KCNH7: variants seen among roughly 807,000 people sequenced by gnomAD.
The protein encoded by KCNH7 is voltage-gated inwardly rectifying potassium channel KCNH7.
In KCNH7, 49 loss-of-function variants were observed where a neutral mutation model predicts 120.8. The ratio of observed to expected loss-of-function variants is 0.41; its 90% CI spans 0.32 to 0.51. The LOEUF (loss-of-function observed/expected upper bound fraction) is 0.51, where lower values mean the gene tolerates loss of function less well. Among genes scored for constraint, KCNH7 ranks in the 20% least tolerant of loss-of-function variants. The pLI, the probability that KCNH7 is intolerant of heterozygous loss-of-function variation, is 0.38. For missense variants in KCNH7, 1,097 were observed against 1,446.6 expected (o/e 0.76, Z 3.92); for synonymous variants, 547 against 516.1 (o/e 1.06, Z -0.81).
chr2:162,499,308 C>A (rs771507739), intron 6 of KCNH7, among the ~76,000 whole-genome samples: 3 of 151,986 alleles, frequency 2.0e-5, no homozygotes, highest in Non-Finnish European at 4.4e-5. Context: ...TAAAAGGAGA[C>A]CTTACCTTTG....
intron 2 of KCNH7, among the ~76,000 whole-genome samples, chr2:162,763,359 T>C (rs1427966587): frequency 2.0e-5 from 3 of 152,140 alleles, no homozygotes; most frequent in Non-Finnish European, 2.9e-5. Flanking sequence ...TGCCATTTGC[T>C]TTCCACTTAA....
rs139960869 is a variant in KCNH7, at chr2:162,611,920, T to C, written c.308-74840A>G. The stretch of plus-strand genomic sequence containing the variant: ...GCAGAAATTGAGTTGTCTTAATTTA[T>C]GGATTGGACTTAGGAAAATGGAGAA... On this transcript the variant is annotated intron_variant, in intron 2 of 15. Coordinates refer to ENST00000332142, the MANE Select transcript of KCNH7 (RefSeq NM_033272.4). Among the ~76,000 whole-genome samples the C allele has an allele frequency of 1.8e-3, 270 of 152,302 alleles. 1 individual carries two copies. The highest frequency in any genetic ancestry group is 3.1e-3 in the Non-Finnish European group (213 of 68,022).
chr2:162,547,691 G>C (rs1034448442), intron 2 of KCNH7, among the ~76,000 whole-genome samples: 1 of 152,124 alleles, frequency 6.6e-6, no homozygotes, highest in African/African-American at 2.4e-5. Context: ...TTCTGACCTA[G>C]GTGGTCTAAT....
chr2:162,753,896 C>T (rs1236397274), intron 2 of KCNH7, among the ~76,000 whole-genome samples: 1 of 151,848 alleles, frequency 6.6e-6, no homozygotes, highest in Non-Finnish European at 1.5e-5. Context: ...AGATTAGTAG[C>T]CCACATGGTT....
At chr2:162,424,440 C>T (rs995763814) in intron 8 of KCNH7, among the ~76,000 whole-genome samples, 8 of 152,022 alleles carry the variant, frequency 5.3e-5, no homozygotes, top group Admixed American at 1.3e-4. Flanking sequence ...AGTCACATCA[C>T]GATATATATT....
intron 7 of KCNH7, among the ~76,000 whole-genome samples, chr2:162,442,075 G>A (rs376823834): frequency 1.6e-5 from 2 of 125,700 alleles, no homozygotes; most frequent in African/African-American, 5.8e-5. Context: ...GGAGTGCAGT[G>A]GTGCGATCTC....
intron 2 of KCNH7, among the ~76,000 whole-genome samples, chr2:162,588,544 C>A (rs1185289119): frequency 6.6e-6 from 1 of 152,034 alleles, no homozygotes; most frequent in African/African-American, 2.4e-5. Flanking sequence ...CCTCTTAATT[C>A]AGTCTTTACT....
chr2:162,688,948 T>C (rs1288751547), intron 2 of KCNH7, among the ~76,000 whole-genome samples: 1 of 152,008 alleles, frequency 6.6e-6, no homozygotes, highest in Non-Finnish European at 1.5e-5. Flanking sequence ...GCCTCAATTT[T>C]CTTATCTGTT....
intron 2 of KCNH7, among the ~76,000 whole-genome samples, chr2:162,765,791 C>A (rs144545203): frequency 6.6e-6 from 1 of 152,138 alleles, no homozygotes. Context: ...GGGTCTCACT[C>A]TTTTACCCGG....
rs183919658 is a variant in KCNH7 at position 162,609,879 on chromosome 2, T to G, written c.308-72799A>C. ...GACGGGTCTGGTCCTGGGACAAACC[T>G]GCCAGCAGATTATCGTCAGGAAGAG... On this transcript the variant is annotated intron_variant, in intron 2 of 15. Transcript: ENST00000332142. Among the ~76,000 whole-genome samples the G allele has an allele frequency of 2.8e-4, 43 of 152,280 alleles. 1 individual carries two copies. The East Asian group carries it at 6.4e-3, about 23-fold the overall frequency.
chr2:162,451,386 A>G (rs970203477), intron 6 of KCNH7, among the ~76,000 whole-genome samples: 2 of 152,114 alleles, frequency 1.3e-5, no homozygotes, highest in African/African-American at 2.4e-5. Flanking sequence ...ATATTGACTG[A>G]ATATTGATAA....
At chr2:162,697,727 CTTTA>C (rs1359104460) in intron 2 of KCNH7, among the ~76,000 whole-genome samples, 2 of 152,006 alleles carry the variant, frequency 1.3e-5, no homozygotes, top group African/African-American at 4.8e-5. Flanking sequence ...TGTGTCAGTG[CTTTA>C]TTTATTAATA....
At chr2:162,666,238 C>G (rs770006678) in intron 2 of KCNH7, among the ~76,000 whole-genome samples, 1 of 152,056 alleles carries the variant, frequency 6.6e-6, no homozygotes, top group Non-Finnish European at 1.5e-5. Context: ...TGTCATCATG[C>G]CTCACACTTC....
intron 2 of KCNH7, among the ~76,000 whole-genome samples, chr2:162,679,958 C>T (rs533999269): frequency 3.3e-5 from 5 of 151,754 alleles, no homozygotes; most frequent in Admixed American, 2.0e-4. Context: ...GTGGAACACA[C>T]GCCATATTTA....
intron 2 of KCNH7, among the ~76,000 whole-genome samples, chr2:162,684,201 A>G (rs1033957625): frequency 6.6e-6 from 1 of 152,178 alleles, no homozygotes; most frequent in East Asian, 1.9e-4. Flanking sequence ...AATTAACTCA[A>G]GATGGATTAA....
chr2:162,616,173 T>G (rs939700448), intron 2 of KCNH7, among the ~76,000 whole-genome samples: 2 of 152,176 alleles, frequency 1.3e-5, no homozygotes, highest in African/African-American at 4.8e-5. Flanking sequence ...TTTCCAAAGT[T>G]CAGTTTATGA....
chr2:162,602,904 G>A (rs1337666160), intron 2 of KCNH7, among the ~76,000 whole-genome samples: 1 of 150,318 alleles, frequency 6.7e-6, no homozygotes, highest in Non-Finnish European at 1.5e-5. Context: ...TGAGGAGGAG[G>A]AGGAGGAGGA....
At chr2:162,756,589 T>C (rs1322238836) in intron 2 of KCNH7, among the ~76,000 whole-genome samples, 1 of 152,126 alleles carries the variant, frequency 6.6e-6, no homozygotes, top group Non-Finnish European at 1.5e-5. Context: ...CTCAGCTTCC[T>C]GAATAGCTGG....
chr2:162,459,325 A>T (rs1689074445), intron 6 of KCNH7, among the ~76,000 whole-genome samples: 1 of 152,186 alleles, frequency 6.6e-6, no homozygotes, highest in South Asian at 2.1e-4. Context: ...AGCCTATGCA[A>T]ATAAAAGTAT....
Sources: allele counts gnomAD v4.1 joint callset (sites outside exome capture counted in the v4.1 genomes callset), GRCh38; gene constraint gnomAD v4.1.1; transcripts MANE v1.5; gene names NCBI Gene and HGNC (gene_info 2026-07-23, HGNC 2026-07-21).